Variants in DNAH14 observed in about 807,000 individuals in gnomAD.
DNAH14 encodes dynein axonemal heavy chain 14, also known as axonemal beta dynein heavy chain 14.
A neutral mutation model predicts 520.9 loss-of-function variants in DNAH14; 478 were observed. The ratio of observed to expected loss-of-function variants is 0.92; its 90% CI spans 0.85 to 0.99. DNAH14 has a LOEUF of 0.99. Among genes scored for constraint, DNAH14 ranks in the 50% least tolerant of loss-of-function variants. DNAH14 has a pLI of 0.00. For missense variants in DNAH14, 4,831 were observed against 5,234.5 expected, an observed-to-expected ratio of 0.92 and a Z score of 2.38; for synonymous variants, 1,581 against 1,757.2, an observed-to-expected ratio of 0.90 and a Z score of 2.51.
At chr1:224,951,883 C>T (rs1558496605) in intron 1 of DNAH14, among the ~76,000 whole-genome samples, 1 of 152,078 alleles carries the variant, frequency 6.6e-6, no homozygotes, top group Non-Finnish European at 1.5e-5. Context: ...TCGTGATCCA[C>T]CCGCCTTGGC....
intron 27 of DNAH14, among the ~76,000 whole-genome samples, chr1:225,139,911 ATC>A (rs2079277730): frequency 6.6e-6 from 1 of 152,140 alleles, no homozygotes; most frequent in Non-Finnish European, 1.5e-5. Flanking sequence ...CATCCTTTTG[ATC>A]TGCTCATCAT....
At chr1:225,398,206 C>T (rs918931999) in intron 84 of DNAH14, 62 of 255,716 alleles carry the variant, frequency 2.4e-4, no homozygotes, top group Non-Finnish European at 3.7e-4. Flanking sequence ...CTAAAAAGCT[C>T]GGCTACACGA....
chr1:225,383,049 G>C (rs2095799982), intron 81 of DNAH14, among the ~76,000 whole-genome samples: 1 of 152,152 alleles, frequency 6.6e-6, no homozygotes, highest in Non-Finnish European at 1.5e-5. Context: ...GGGTGACAGA[G>C]AACTGGAGAA....
chr1:225,367,882 A>G lies in DNAH14; in HGVS notation c.12168A>G (p.Thr4056=). ...GATGTACTGGGAGTGGAGAGGTAAC[A>G]GAAGAGATATTTGAAAATCCTGACT... is the stretch of plus-strand genomic sequence containing the variant. ...TFGCTGSGEV[T]EEIFENPDCG... Residue 4056 remains threonine, a synonymous_variant, in exon 77 of 86, where the codon ACA becomes ACG. Transcript: ENST00000682510. 1 of 1,551,664 alleles carries G rather than the reference A, an allele frequency of 6.4e-7. No homozygotes were observed. The highest frequency in any genetic ancestry group is 8.7e-7 in the Non-Finnish European group (1 of 1,146,918).
intron 28 of DNAH14, among the ~76,000 whole-genome samples, chr1:225,143,396 A>G (rs761071750): frequency 3.3e-5 from 5 of 152,058 alleles, no homozygotes; most frequent in African/African-American, 1.2e-4. Flanking sequence ...TATAATTTTA[A>G]ATTTTTCTTT....
At chr1:225,053,981 A>G (rs2068793888) in intron 17 of DNAH14, among the ~76,000 whole-genome samples, 1 of 152,158 alleles carries the variant, frequency 6.6e-6, no homozygotes, top group Admixed American at 6.5e-5. Context: ...GAACCAGGAA[A>G]TTACAGTTGT....
In DNAH14 at chr1:224,952,654, G is replaced by T; in HGVS notation, c.-33-16G>T. 1 of 1,340,130 alleles carries T rather than the reference G, an allele frequency of 7.5e-7. No homozygotes were observed. The highest frequency in any genetic ancestry group is 1.0e-6 in the Non-Finnish European group (1 of 986,178). The allele number at this position is 1,340,130 out of a possible 1,614,324, so 83.0% of individuals were successfully genotyped here. A position where few individuals can be genotyped will look rare whatever the true frequency, so the allele number is the denominator to read the frequency against. ...TGTATTGTATATTAAATATAATAATGTGAATTTTGTTACAGCCAGTTCCTT... is the reference window on the plus strand; with the variant it reads ...TGTATTGTATATTAAATATAATAATTTGAATTTTGTTACAGCCAGTTCCTT... On this transcript the variant is annotated splice_polypyrimidine_tract_variant and intron_variant, in intron 1 of 85. Transcript: ENST00000682510.
intron 41 of DNAH14, among the ~76,000 whole-genome samples, chr1:225,224,796 G>A (rs1261867840): frequency 6.6e-6 from 1 of 152,154 alleles, no homozygotes; most frequent in Non-Finnish European, 1.5e-5. Context: ...CGAGGTTGGA[G>A]CCTTAATATT....
intron 60 of DNAH14, among the ~76,000 whole-genome samples, chr1:225,315,616 G>A (rs1029310136): frequency 2.0e-5 from 3 of 152,084 alleles, no homozygotes; most frequent in Admixed American, 6.5e-5. Flanking sequence ...ACCTTCGGAT[G>A]GAGTTTTTGT....
At chr1:225,325,507 C>T (rs2094644086) in intron 64 of DNAH14, among the ~76,000 whole-genome samples, 1 of 151,226 alleles carries the variant, frequency 6.6e-6, no homozygotes, top group African/African-American at 2.4e-5. Flanking sequence ...AAATATCCAA[C>T]TGTACTTAAC....
intron 17 of DNAH14, among the ~76,000 whole-genome samples, chr1:225,061,602 G>A (rs547656593): frequency 1.9e-4 from 29 of 152,304 alleles, no homozygotes; most frequent in Admixed American, 1.2e-3. Flanking sequence ...CTTCTGCGTC[G>A]CTCATGCTGG....
intron 41 of DNAH14, among the ~76,000 whole-genome samples, chr1:225,207,549 G>A (rs528752620): frequency 6.6e-6 from 1 of 152,258 alleles, no homozygotes; most frequent in East Asian, 1.9e-4. Flanking sequence ...AGAATTCCAG[G>A]TGTAAGTTGT....
At chr1:225,109,397 A>G (rs1433855882) in intron 23 of DNAH14, among the ~76,000 whole-genome samples, 1 of 151,846 alleles carries the variant, frequency 6.6e-6, no homozygotes, top group Admixed American at 6.6e-5. Context: ...TCTTGCATCA[A>G]TGTTTTATAT....
intron 41 of DNAH14, among the ~76,000 whole-genome samples, chr1:225,209,457 G>A (rs2088043512): frequency 6.6e-6 from 1 of 151,998 alleles, no homozygotes; most frequent in Admixed American, 6.6e-5. Context: ...TCATGTTATA[G>A]CCTCATTTTA....
In DNAH14 at chr1:225,061,601, C is replaced by T. The variant is rs532196514; in HGVS notation, c.2424+9806C>T. On this transcript the variant is annotated intron_variant, in intron 17 of 85. Coordinates refer to ENST00000682510, the MANE Select transcript of DNAH14 (RefSeq NM_001367479.1). ...TGCAGAAATCACCCATCTTCTGCGTCGCTCATGCTGGGAGCTGTAGACTGG... is the reference window on the plus strand; with the variant it reads ...TGCAGAAATCACCCATCTTCTGCGTTGCTCATGCTGGGAGCTGTAGACTGG... Among the ~76,000 whole-genome samples the T allele has an allele frequency of 1.1e-4, 16 of 152,308 alleles. No homozygotes were observed. The South Asian group carries it at 2.9e-3, about 28-fold the overall frequency.
At chr1:225,289,734 A>T in intron 54 of DNAH14, 151 bp from the exon 55 acceptor site, 3 of 466,034 alleles carry the variant, frequency 6.4e-6, no homozygotes, top group Admixed American at 4.3e-5. Flanking sequence ...TATTTAAATT[A>T]TGTTTAATAT....
At chr1:225,046,767 G>T (rs529097562) in intron 15 of DNAH14, among the ~76,000 whole-genome samples, 1 of 151,980 alleles carries the variant, frequency 6.6e-6, no homozygotes, top group African/African-American at 2.4e-5. Context: ...AAATTTCCTG[G>T]GTTCATTGAT....
intron 77 of DNAH14, among the ~76,000 whole-genome samples, chr1:225,373,726 C>A (rs2095648791): frequency 6.6e-6 from 1 of 151,984 alleles, no homozygotes; most frequent in Non-Finnish European, 1.5e-5. Context: ...TTTGTTTTTG[C>A]GCTTTTTGAA....
chr1:225,335,746 TAC>T (rs2094986237), intron 66 of DNAH14, among the ~76,000 whole-genome samples: 1 of 65,696 alleles, frequency 1.5e-5, no homozygotes, highest in Non-Finnish European at 2.9e-5. Context: ...TATATGTATA[TAC>T]GCATATATAC....
Sources: gnomAD v4.1 joint callset for allele counts (sites outside exome capture counted in the v4.1 genomes callset) on GRCh38, gnomAD v4.1.1 for gene constraint, MANE v1.5 for transcripts, NCBI Gene and HGNC (gene_info 2026-07-23, HGNC 2026-07-21) for gene names.